SMAD2: variants seen among roughly 807,000 people sequenced by gnomAD.
SMAD2 encodes the protein MAD homolog 2.
Under a neutral mutation model 64.4 loss-of-function variants are expected in SMAD2, and 8 were observed. The ratio of observed to expected loss-of-function variants is 0.12; its 90% CI spans 0.07 to 0.22. The LOEUF is 0.22. SMAD2 is among the 10% of genes least tolerant of loss of function. The pLI is 1.00. For synonymous variants in SMAD2, 203 were observed against 195.8 expected (o/e 1.04, Z -0.31); for missense variants, 289 against 561.2 (o/e 0.51, Z 4.90).
intron 2 of SMAD2, among the ~76,000 whole-genome samples, chr18:47,895,048 A>C (rs1255792971): frequency 6.6e-6 from 1 of 152,104 alleles, no homozygotes; most frequent in Non-Finnish European, 1.5e-5. Flanking sequence ...CATCTACCCT[A>C]CTACACACAT....
At position 47,896,231 on chromosome 18, in the gene SMAD2, C is replaced by A. The variant is rs373161586; in HGVS notation, c.236+290G>T. 1.1e-4 allele frequency among the ~76,000 whole-genome samples: 16 copies of A among 152,316 alleles called. No individual in the cohort carries two copies. In the South Asian group the frequency reaches 3.1e-3, roughly 30 times the overall value. Reference sequence around the variant, plus strand: ...GCTACTATGTTAGTGATAGAAAAAGCTTCAATTCTTTATTCAAGTATCATT... The same window carrying A: ...GCTACTATGTTAGTGATAGAAAAAGATTCAATTCTTTATTCAAGTATCATT... On this transcript the variant is annotated intron_variant, in intron 2 of 10. Coordinates refer to ENST00000262160, the MANE Select transcript of SMAD2 (RefSeq NM_005901.6).
At chr18:47,858,897 T>C (rs2144343840) in intron 6 of SMAD2, among the ~76,000 whole-genome samples, 1 of 152,258 alleles carries the variant, frequency 6.6e-6, no homozygotes, top group East Asian at 1.9e-4. Context: ...TGCAAAATGG[T>C]AGCCTAAAGC....
intron 2 of SMAD2, among the ~76,000 whole-genome samples, chr18:47,892,973 T>C (rs2033268705): frequency 6.6e-6 from 1 of 152,222 alleles, no homozygotes. Context: ...CCCACTGCAA[T>C]TTCAATTTTG....
intron 1 of SMAD2, among the ~76,000 whole-genome samples, chr18:47,926,629 C>T (rs79062774): frequency 1.2e-3 from 182 of 152,282 alleles, no homozygotes; most frequent in African/African-American, 4.3e-3. Context: ...TAAATGCCAA[C>T]ACATTCTTAT....
intron 1 of SMAD2, among the ~76,000 whole-genome samples, chr18:47,911,219 C>T (rs1466363698): frequency 1.3e-5 from 2 of 151,898 alleles, no homozygotes; most frequent in African/African-American, 2.4e-5. Context: ...GGCGTGGTGG[C>T]GAGTGCCTGT....
At chr18:47,859,070 G>C (rs1401401734) in intron 6 of SMAD2, among the ~76,000 whole-genome samples, 1 of 152,048 alleles carries the variant, frequency 6.6e-6, no homozygotes, top group East Asian at 1.9e-4. Flanking sequence ...CATGTAACCA[G>C]AGGTAAGAAA....
At position 47,868,426 on chromosome 18, in the gene SMAD2, G is replaced by T; in HGVS notation, c.552C>A (p.Thr184=). Residue 184 remains threonine (T), a synonymous_variant, in exon 5 of 11, where the codon ACC becomes ACA. Transcript: ENST00000262160. ...VLPPVLVPRH[T]EILTELPPLD... is the part of the protein sequence containing the mutation. ...GAGGCGGAAGTTCTGTTAGGATCTC[G>T]GTGTGTCGGGGCACTAATACTGGAG... 1 of 1,611,308 alleles carries T rather than the reference G, an allele frequency of 6.2e-7. No homozygotes were observed. The highest frequency in any genetic ancestry group is 8.5e-7 in the Non-Finnish European group (1 of 1,178,208).
At chr18:47,928,599 T>G (rs575630311) in intron 1 of SMAD2, among the ~76,000 whole-genome samples, 1 of 152,004 alleles carries the variant, frequency 6.6e-6, no homozygotes, top group African/African-American at 2.4e-5. Context: ...AACAGGAAAT[T>G]ACCCTGCACA....
intron 1 of SMAD2, among the ~76,000 whole-genome samples, chr18:47,902,595 G>A (rs528326605): frequency 5.9e-5 from 9 of 152,114 alleles, no homozygotes; most frequent in Non-Finnish European, 1.2e-4. Context: ...AACAGAAAAC[G>A]TGTCAGTTAT....
At position 47,834,386 on chromosome 18, in the gene SMAD2, CCA is replaced by C. The variant is rs1433910934; in HGVS notation, c.*7439_*7440del. On this transcript the variant is annotated 3_prime_UTR_variant, in exon 11 of 11. Transcript: ENST00000262160. ...CTGATGTGCTACTTATCAGAAAAAT[CCA>C]CATATATACAAAACTCTGCTAAAAG... 4.8e-6 allele frequency: 1 copy of C among 207,992 alleles called. No homozygotes were observed. Among genetic ancestry groups the C allele is most frequent in the Admixed American group, 5.9e-5 (1 of 16,890 alleles). 12.9% of individuals were successfully genotyped at this position (207,992 alleles called of 1,614,324 possible).
At chr18:47,885,180 C>T (rs1015705115) in intron 2 of SMAD2, among the ~76,000 whole-genome samples, 8 of 140,142 alleles carry the variant, frequency 5.7e-5, no homozygotes, top group South Asian at 2.3e-4. Context: ...CACACACACA[C>T]ACATATACCC....
rs1913244793 is a variant in SMAD2 at position 47,834,684 on chromosome 18, A to G, written c.*7143T>C. On this transcript the variant is annotated 3_prime_UTR_variant, in exon 11 of 11. Coordinates refer to ENST00000262160, the MANE Select transcript of SMAD2 (RefSeq NM_005901.6). ...CTTTAAGAAGAGTTGGTAGTAATCAAGCAAATTAGTGAGCAGTGTATAAAA... is the reference window on the plus strand; with the variant it reads ...CTTTAAGAAGAGTTGGTAGTAATCAGGCAAATTAGTGAGCAGTGTATAAAA... 4.5e-6 allele frequency: 1 copy of G among 219,918 alleles called. No individual in the cohort carries two copies. 13.6% of individuals were successfully genotyped at this position (219,918 alleles called of 1,614,324 possible).
chr18:47,904,281 G>A (rs2033816310), intron 1 of SMAD2, among the ~76,000 whole-genome samples: 1 of 149,966 alleles, frequency 6.7e-6, no homozygotes, highest in African/African-American at 2.5e-5. Context: ...TGACGGGAGA[G>A]GCAGGAAAGT....
intron 1 of SMAD2, among the ~76,000 whole-genome samples, chr18:47,924,274 A>G (rs1380425282): frequency 1.3e-5 from 2 of 151,150 alleles, no homozygotes; most frequent in Middle Eastern, 3.2e-3. Flanking sequence ...AAGAATTTTA[A>G]AAGTGGATCT....
Position 47,830,124 on chromosome 18 carries a change from T to A in SMAD2, c.*11703A>T, listed in dbSNP as rs1260139015. On this transcript the variant is annotated 3_prime_UTR_variant, in exon 11 of 11. Coordinates refer to ENST00000262160, the MANE Select transcript of SMAD2 (RefSeq NM_005901.6). The stretch of plus-strand genomic sequence containing the variant: ...GTGATTGACGATGTACATTTTTAAA[T>A]GTGGTGATAACACGTTATTATTCAT... The A allele has an allele frequency of 1.3e-5, 2 of 152,220 alleles. No homozygotes were observed. Among genetic ancestry groups the A allele is most frequent in the Non-Finnish European group, 2.9e-5 (2 of 68,034 alleles). The allele number at this position is 152,220 out of a possible 1,614,324, so 9.4% of individuals were successfully genotyped here.
intron 2 of SMAD2, among the ~76,000 whole-genome samples, chr18:47,888,157 G>C (rs1007788285): frequency 4.0e-5 from 6 of 151,680 alleles, no homozygotes; most frequent in Non-Finnish European, 7.4e-5. Flanking sequence ...AATATAAGCA[G>C]GTCACAGCAG....
At chr18:47,846,567 T>A (rs1292869980) in intron 8 of SMAD2, among the ~76,000 whole-genome samples, 1 of 152,112 alleles carries the variant, frequency 6.6e-6, no homozygotes, top group Non-Finnish European at 1.5e-5. Flanking sequence ...TGTCATAGGC[T>A]AAGTGATTCA....
At chr18:47,851,642 A>G (rs184601906) in intron 6 of SMAD2, among the ~76,000 whole-genome samples, 3 of 152,130 alleles carry the variant, frequency 2.0e-5, no homozygotes, top group African/African-American at 7.2e-5. Flanking sequence ...AAGCAAATAC[A>G]TTTTTGTTCT....
intron 5 of SMAD2, 135 bp downstream of exon 5, chr18:47,868,188 C>G: frequency 1.3e-6 from 1 of 755,932 alleles, no homozygotes; most frequent in Non-Finnish European, 2.3e-6. Context: ...AATAATCACC[C>G]AACGAATCCA....
Sources: gnomAD v4.1 joint callset for allele counts (sites outside exome capture counted in the v4.1 genomes callset) on GRCh38, gnomAD v4.1.1 for gene constraint, MANE v1.5 for transcripts, NCBI Gene and HGNC (gene_info 2026-07-23, HGNC 2026-07-21) for gene names.